The following ZSCAN4 variants were observed in gnomAD, a reference collection of about 807,000 sequenced individuals.
ZSCAN4 encodes the protein zinc finger and SCAN domain-containing protein 4.
ZSCAN4 carries 18 observed loss-of-function variants against 18.3 expected under a neutral mutation model. The observed-to-expected ratio is 0.98, with a 90% CI of 0.68 to 1.46. The LOEUF is 1.46. ZSCAN4 is among the 40% of genes most tolerant of loss of function. The probability of loss-of-function intolerance (pLI) is 0.00; values close to 1 mark genes in which losing one functional copy is unlikely to be tolerated. For synonymous variants in ZSCAN4, 193 were observed against 180.3 expected, an observed-to-expected ratio of 1.07 and a Z score of -0.57; for missense variants, 498 against 511.4, an observed-to-expected ratio of 0.97 and a Z score of 0.25.
chr19:57,672,627 G>T (rs1195477720), intron 2 of ZSCAN4, among the ~76,000 whole-genome samples: 2 of 142,282 alleles, frequency 1.4e-5, no homozygotes, highest in African/African-American at 5.3e-5. Context: ...TTTTGAGACA[G>T]AATCTTGCTC....
chr19:57,662,537 C>T, the ZSCAN4 span, among the ~76,000 whole-genome samples: 1 of 151,854 alleles, frequency 6.6e-6, no homozygotes, highest in South Asian at 2.1e-4. Flanking sequence ...AATATTTTTA[C>T]CGCTGAGAGA....
At position 57,678,286 on chromosome 19, in the gene ZSCAN4, C is replaced by A. The variant is rs534675684; in HGVS notation, c.683C>A (p.Pro228His). ...ATCATCATCCAGGAAGAGAACGGTCCTAGGCCTGAAGAGGGAGGTGTTTCT... is the reference window on the plus strand; with the variant it reads ...ATCATCATCCAGGAAGAGAACGGTCATAGGCCTGAAGAGGGAGGTGTTTCT... Residue 228 changes from proline to histidine, a missense_variant, in exon 5 of 5, where the codon CCT becomes CAT. By Grantham distance (77) the Pro-to-His change is moderately conservative (BLOSUM62 -2). Transcript: ENST00000318203. 5 of 1,614,120 alleles carry A rather than the reference C, an allele frequency of 3.1e-6. No homozygotes were observed. In the African/African-American group the frequency reaches 6.7e-5, roughly 22 times the overall value.
intron 3 of ZSCAN4, among the ~76,000 whole-genome samples, chr19:57,676,971 G>A (rs919633486): frequency 3.3e-5 from 5 of 152,234 alleles, no homozygotes; most frequent in East Asian, 3.9e-4. Flanking sequence ...TAGAGACAGC[G>A]TTCCACCATG....
Position 57,678,535 on chromosome 19 carries a change from C to A in ZSCAN4, c.932C>A (p.Ser311Ter). ...AAAGGATCCCATGGAGTCCAAAAATCATACAAATGTGAAGAATGCCCCAAG... is the reference window on the plus strand; with the variant it reads ...AAAGGATCCCATGGAGTCCAAAAATAATACAAATGTGAAGAATGCCCCAAG... Residue 311 changes from serine to a stop codon, truncating the protein, a stop_gained, in exon 5 of 5, where the codon TCA (serine) becomes TAA (stop). Coordinates refer to ENST00000318203, the Ensembl canonical transcript of ZSCAN4. LOFTEE classifies it low-confidence loss of function (END_TRUNC). The A allele has an allele frequency of 6.2e-7, 1 of 1,614,128 alleles. No individual in the cohort carries two copies. Among genetic ancestry groups the A allele is most frequent in the Non-Finnish European group, 8.5e-7 (1 of 1,180,032 alleles).
the ZSCAN4 span, among the ~76,000 whole-genome samples, chr19:57,662,839 C>T: frequency 2.0e-5 from 3 of 151,942 alleles, no homozygotes; most frequent in Non-Finnish European, 4.4e-5. Flanking sequence ...AGATTACAGG[C>T]GTGAGTCACT....
chr19:57,657,272 C>T, the ZSCAN4 span, among the ~76,000 whole-genome samples: 17 of 145,040 alleles, frequency 1.2e-4, no homozygotes, highest in African/African-American at 4.3e-4. Flanking sequence ...CGTCTGTCTG[C>T]AACAGAGCTA....
intron 2 of ZSCAN4, among the ~76,000 whole-genome samples, chr19:57,674,778 T>G (rs1332366261): frequency 6.6e-6 from 1 of 152,184 alleles, no homozygotes; most frequent in Non-Finnish European, 1.5e-5. Context: ...CCCCACCAAA[T>G]TTATTGAATA....
chr19:57,678,794 A>C, exon 5 of ZSCAN4: 1 of 1,614,086 alleles, frequency 6.2e-7, no homozygotes. Flanking sequence ...AGCCTTATAC[A>C]TGTCCCTTTT....
At chr19:57,675,987 G>C in intron 2 of ZSCAN4, 54 bp from the exon 3 acceptor site, 1 of 715,244 alleles carries the variant, frequency 1.4e-6, no homozygotes, top group East Asian at 2.8e-5. Context: ...TGGTTGATTT[G>C]TCTTTAATTA....
upstream of ZSCAN4, among the ~76,000 whole-genome samples, chr19:57,666,433 C>G (rs897278255): frequency 5.9e-5 from 9 of 152,122 alleles, no homozygotes; most frequent in African/African-American, 2.2e-4. Flanking sequence ...GCCTCGGAAG[C>G]TGGCAGGGGA....
At chr19:57,655,383 T>C in the ZSCAN4 span, among the ~76,000 whole-genome samples, 1,004 of 152,284 alleles carry the variant, frequency 6.6e-3, 13 homozygotes, top group African/African-American at 0.023. Flanking sequence ...CTTTACTCTG[T>C]ATGTTCATTC....
At chr19:57,675,669 G>C (rs750156158) in intron 2 of ZSCAN4, among the ~76,000 whole-genome samples, 2 of 152,192 alleles carry the variant, frequency 1.3e-5, no homozygotes, top group Non-Finnish European at 2.9e-5. Flanking sequence ...CATTCATTGA[G>C]ATGATTTTAT....
chr19:57,669,733 G>GT (rs56066537), intron 1 of ZSCAN4, among the ~76,000 whole-genome samples: 131 of 147,730 alleles, frequency 8.9e-4, no homozygotes, highest in Admixed American at 2.1e-3. Flanking sequence ...GTTTTGTTTT[G>GT]TTTTTTTTTT....
chr19:57,677,193 T>A (rs1301418829), intron 3 of ZSCAN4, among the ~76,000 whole-genome samples: 3 of 152,206 alleles, frequency 2.0e-5, no homozygotes, highest in Admixed American at 6.5e-5. Flanking sequence ...GGTAGATCCT[T>A]ATTCTCAGAG....
the ZSCAN4 span, among the ~76,000 whole-genome samples, chr19:57,662,708 G>C: frequency 6.6e-6 from 1 of 151,122 alleles, no homozygotes; most frequent in South Asian, 2.1e-4. Flanking sequence ...CTACAGGCTT[G>C]AGCCACCACG....
exon 5 of ZSCAN4, chr19:57,678,539 C>T: frequency 6.2e-7 from 1 of 1,614,112 alleles, no homozygotes; most frequent in Non-Finnish European, 8.5e-7. Flanking sequence ...AAAAATCATA[C>T]AAATGTGAAG....
chr19:57,657,848 T>C, the ZSCAN4 span, among the ~76,000 whole-genome samples: 1 of 152,184 alleles, frequency 6.6e-6, no homozygotes, highest in East Asian at 1.9e-4. Flanking sequence ...GCTGTTTAAA[T>C]AGTTGCTATA....
At chr19:57,669,089 C>T (rs1329364640) in exon 1 of ZSCAN4, 2 of 124,776 alleles carry the variant, frequency 1.6e-5, no homozygotes, top group Non-Finnish European at 3.2e-5. Context: ...GAGACACAGT[C>T]TCGCTCTGTC....
At chr19:57,658,833 C>CAAAAAA in the ZSCAN4 span, among the ~76,000 whole-genome samples, 1 of 68,702 alleles carries the variant, frequency 1.5e-5, no homozygotes, top group African/African-American at 4.5e-5. Flanking sequence ...GACTGTGTCT[C>CAAAAAA]AAAAAAAAAA....
Sources: gnomAD v4.1 joint callset for allele counts (sites outside exome capture counted in the v4.1 genomes callset) on GRCh38, gnomAD v4.1.1 for gene constraint, MANE v1.5 for transcripts, NCBI Gene and HGNC (gene_info 2026-07-23, HGNC 2026-07-21) for gene names.